The following RNF213 variants were observed in gnomAD, a reference collection of about 807,000 sequenced individuals.
RNF213 encodes the protein E3 ubiquitin-protein ligase RNF213.
RNF213 carries 341 observed loss-of-function variants against 514.4 expected under a neutral mutation model. That is an observed-to-expected ratio of 0.66 (90% confidence interval 0.61 to 0.73). The LOEUF is 0.73. Ranked by LOEUF, RNF213 falls within the 30% of genes least tolerant of loss-of-function variation. The pLI is 0.00. For missense variants in RNF213, 5,767 were observed against 6,615.6 expected (o/e 0.87, Z 4.45); for synonymous variants, 2,655 against 2,658.2 (o/e 1.00, Z 0.04).
rs2078620872 is a variant in RNF213, at chr17:80,353,723, A to T, written c.10578+57A>T. The T allele has an allele frequency of 1.9e-6, 3 of 1,609,980 alleles. No individual in the cohort carries two copies. Among genetic ancestry groups the T allele is most frequent in the Non-Finnish European group, 1.7e-6 (2 of 1,176,492 alleles). ...GCTGCTGGTGATGCTTCTGAGCTGCATCTTTAAACGCTTTTGCATTGGGAG... is the reference window on the plus strand; with the variant it reads ...GCTGCTGGTGATGCTTCTGAGCTGCTTCTTTAAACGCTTTTGCATTGGGAG... On this transcript the variant is annotated intron_variant, in intron 34 of 67. Coordinates refer to ENST00000582970, the MANE Select transcript of RNF213 (RefSeq NM_001256071.3). The surrounding 1 kb of genome is among the most constrained non-coding windows in gnomAD (Gnocchi z 5.0).
At chr17:80,360,447 G>A (rs539453309) in intron 38 of RNF213, 52 of 540,666 alleles carry the variant, frequency 9.6e-5, no homozygotes, top group African/African-American at 7.8e-4. Context: ...GCAGGAGCCT[G>A]TGAGATGGTT....
chr17:80,378,321 C>T (rs765229293), intron 54 of RNF213, among the ~76,000 whole-genome samples: 3 of 152,174 alleles, frequency 2.0e-5, no homozygotes, highest in African/African-American at 4.8e-5. Flanking sequence ...GTAGGCTGTG[C>T]GCCATGGGGG....
chr17:80,364,795 G>A (rs1445494285), intron 42 of RNF213: 1 of 511,018 alleles, frequency 2.0e-6, no homozygotes, highest in Non-Finnish European at 3.5e-6. Flanking sequence ...TCCAGGAACT[G>A]TGTGCAGAAA....
intron 64 of RNF213, 149 bp downstream of exon 64, chr17:80,388,838 G>A (rs1424664760): frequency 2.8e-6 from 2 of 722,172 alleles, no homozygotes; most frequent in Non-Finnish European, 5.0e-6. Context: ...AAGCAAGACA[G>A]CAAATCAGCA....
At position 80,350,283 on chromosome 17, in the gene RNF213, ACTTCC is replaced by A; in HGVS notation, c.10089-14_10089-10del. 6.8e-7 allele frequency: 1 copy of A among 1,462,202 alleles called. No homozygotes were observed. Among genetic ancestry groups the A allele is most frequent in the Non-Finnish European group, 9.6e-7 (1 of 1,041,600 alleles). The allele number at this position is 1,462,202 out of a possible 1,614,324, so 90.6% of individuals were successfully genotyped here. On this transcript the variant is annotated splice_polypyrimidine_tract_variant and intron_variant, in intron 30 of 67. Transcript: ENST00000582970. ...TTAAGACAGAGAACTCACTTGAATA[ACTTCC>A]CTTTTCTTTCAGAAACTGTTTAACG...
intron 22 of RNF213, among the ~76,000 whole-genome samples, chr17:80,335,747 G>T (rs780246760): frequency 6.6e-6 from 1 of 152,082 alleles, no homozygotes. Context: ...AGGCCAAGTC[G>T]TGTGGATCAC....
chr17:80,313,229 C>G (rs2045631512), intron 15 of RNF213, 62 bp downstream of exon 15: 1 of 1,598,982 alleles, frequency 6.3e-7, no homozygotes, highest in Non-Finnish European at 8.6e-7. Flanking sequence ...CTCATGGCCT[C>G]AAATCATGGG....
intron 55 of RNF213, among the ~76,000 whole-genome samples, chr17:80,380,462 G>T (rs904459576): frequency 4.6e-5 from 7 of 152,084 alleles, no homozygotes; most frequent in African/African-American, 1.7e-4. Flanking sequence ...GAACAATATG[G>T]ACACCCATGG....
chr17:80,289,566 G>A (rs2044608040), intron 5 of RNF213, 93 bp from the exon 6 acceptor site: 1 of 1,388,946 alleles, frequency 7.2e-7, no homozygotes, highest in South Asian at 1.2e-5. Flanking sequence ...CTCCAGCCTT[G>A]GTAATAAGAG....
At chr17:80,369,942 C>T in intron 46 of RNF213, 75 bp downstream of exon 46, 1 of 1,045,118 alleles carries the variant, frequency 9.6e-7, no homozygotes, top group South Asian at 1.3e-5. Context: ...GTTACCAAGT[C>T]TTCTTGTCGT....
Position 80,381,711 on chromosome 17 carries a change from C to T in RNF213, c.13962C>T (p.His4654=), listed in dbSNP as rs1293578601. 1.9e-6 allele frequency: 3 copies of T among 1,613,674 alleles called. No individual in the cohort carries two copies. The highest frequency in any genetic ancestry group is 1.3e-5 in the African/African-American group (1 of 74,932). The stretch of plus-strand genomic sequence containing the variant: ...TGCGCAGGCTTCTCCAAGAGCAGCA[C>T]CAGCTCTCTAGCAGAAGTGAGGAAA... ...LVLRRLLQEQ[H]QLSSRRLLNF... is the part of the protein sequence containing the mutation. Residue 4654 remains histidine (H), a synonymous_variant, in exon 57 of 68, where the codon CAC becomes CAT. Transcript: ENST00000582970.
rs775153175 is a variant in RNF213, at chr17:80,289,685, G to A, written c.960G>A (p.Glu320=). The change falls in exon 6 of 68, where the codon GAG becomes GAA. Residue 320 remains glutamate (E), a synonymous_variant. Transcript: ENST00000582970. The part of the protein sequence containing the change: ...CQEAETKTKD[E]MAAAEEKVGK... Reference sequence around the variant, plus strand: ...AAGCTGAGACCAAGACCAAGGACGAGATGGCTGCTGCTGAAGAAAAAGTCG... The same window carrying A: ...AAGCTGAGACCAAGACCAAGGACGAAATGGCTGCTGCTGAAGAAAAAGTCG... 4 of 1,614,100 alleles carry A rather than the reference G, an allele frequency of 2.5e-6. No homozygotes were observed. Among genetic ancestry groups the A allele is most frequent in the Non-Finnish European group, 3.4e-6 (4 of 1,180,022 alleles).
intron 46 of RNF213, among the ~76,000 whole-genome samples, chr17:80,371,391 G>A (rs2079513500): frequency 6.6e-6 from 1 of 152,272 alleles, no homozygotes; most frequent in Admixed American, 6.5e-5. Flanking sequence ...AGGGCAGGCA[G>A]GCCGCTGACT....
Position 80,385,628 on chromosome 17 carries a change from A to T in RNF213, c.14539+7A>T. The T allele has an allele frequency of 6.2e-7, 1 of 1,612,658 alleles. No individual in the cohort carries two copies. The highest frequency in any genetic ancestry group is 8.5e-7 in the Non-Finnish European group (1 of 1,178,678). On this transcript the variant is annotated splice_region_variant and intron_variant, in intron 61 of 67. Coordinates refer to ENST00000582970, the MANE Select transcript of RNF213 (RefSeq NM_001256071.3). ...AGATCGCTTGAGACGAACGGTTAGT[A>T]TCCTGTCCCCTGTACCACTAAGCGT...
Position 80,263,582 on chromosome 17 carries a change from A to T in RNF213, c.-100A>T. On this transcript the variant is annotated 5_prime_UTR_variant, in exon 2 of 68. Coordinates refer to ENST00000582970, the MANE Select transcript of RNF213 (RefSeq NM_001256071.3). The surrounding 1 kb of genome is among the most constrained non-coding windows in gnomAD (Gnocchi z 4.9). ...TGATTTCACTTTCGCAGAAAATGAA[A>T]CTGAAGCCGTGGTCACGTGACAGGA... 1 of 992,458 alleles carries T rather than the reference A, an allele frequency of 1.0e-6. No homozygotes were observed. The highest frequency in any genetic ancestry group is 1.6e-6 in the Non-Finnish European group (1 of 615,130). The allele number at this position is 992,458 out of a possible 1,614,324, so 61.5% of individuals were successfully genotyped here.
chr17:80,346,344 G>A lies in RNF213; in HGVS notation c.8009G>A (p.Ser2670Asn), dbSNP rs777180225. Residue 2670 changes from serine (S) to asparagine (N), a missense_variant, in exon 29 of 68, where the codon AGC becomes AAC. By Grantham distance (46) the Ser-to-Asn change is conservative. This residue lies in a region of RNF213 where 1,377 missense variants were observed against 1,635.2 expected (regional missense o/e 0.84). Transcript: ENST00000582970. This position sits in a 1 kb window ranked among gnomAD's most constrained non-coding sequence, Gnocchi z 8.1. ...AQLNAFLSKS[S>N]VSKNHTERDP... is the part of the protein sequence containing the mutation. ...CTGAATGCCTTTCTCTCCAAGTCCA[G>A]CGTCAGCAAAAATCACACCGAGAGA... 8.1e-6 allele frequency: 13 copies of A among 1,613,778 alleles called. No homozygotes were observed. In the Admixed American group the frequency reaches 2.2e-4, roughly 27 times the overall value.
chr17:80,325,673 T>A (rs924931201), intron 18 of RNF213, among the ~76,000 whole-genome samples: 1 of 74,382 alleles, frequency 1.3e-5, no homozygotes, highest in East Asian at 2.3e-4. Context: ...GCTGTCTGAT[T>A]TCCCCCCAGC....
intron 17 of RNF213, chr17:80,319,514 C>A (rs1458485338): frequency 2.5e-6 from 4 of 1,613,426 alleles, no homozygotes; most frequent in Non-Finnish European, 3.4e-6. Context: ...CTGCACAGTC[C>A]CTGCTGCTCG....
In RNF213 at chr17:80,358,554, T is replaced by C. The variant is rs1201169292; in HGVS notation, c.11054+75T>C. 3.6e-6 allele frequency: 5 copies of C among 1,386,434 alleles called. No individual in the cohort carries two copies. The East Asian group carries it at 9.2e-5, about 25-fold the overall frequency. The allele number at this position is 1,386,434 out of a possible 1,614,324, so 85.9% of individuals were successfully genotyped here. A position where few individuals can be genotyped will look rare whatever the true frequency, so the allele number is the denominator to read the frequency against. On this transcript the variant is annotated intron_variant, in intron 37 of 67. Transcript: ENST00000582970. ...CAGGACCCTAATATGCTCTCCCAAG[T>C]GCTGGGTGAAACGCAGCCCTCAACT... is the stretch of plus-strand genomic sequence containing the variant.
Sources: allele counts gnomAD v4.1 joint callset (sites outside exome capture counted in the v4.1 genomes callset), GRCh38; gene constraint gnomAD v4.1.1; regional missense constraint gnomAD v4.1.1; non-coding constraint Gnocchi (gnomAD v3.1); transcripts MANE v1.5; gene names NCBI Gene and HGNC (gene_info 2026-07-23, HGNC 2026-07-21).